Variants in RBFOX1 observed in about 807,000 individuals in gnomAD.
RBFOX1 encodes RNA binding protein fox-1 homolog 1.
A neutral mutation model predicts 57.7 loss-of-function variants in RBFOX1; 8 were observed. That is an observed-to-expected ratio of 0.14 (90% CI 0.08 to 0.25). The LOEUF is 0.25. RBFOX1 is among the 10% of genes least tolerant of loss of function. RBFOX1 has a pLI of 1.00. For missense variants in RBFOX1, 611 were observed against 548.5 expected, an observed-to-expected ratio of 1.11 and a Z score of -1.14; for synonymous variants, 326 against 222.4, an observed-to-expected ratio of 1.47 and a Z score of -4.15.
intron 2 of RBFOX1, among the ~76,000 whole-genome samples, chr16:6,632,230 G>C (rs1017751294): frequency 6.6e-6 from 1 of 151,972 alleles, no homozygotes; most frequent in African/African-American, 2.4e-5. Flanking sequence ...GAACTTTAGA[G>C]TCTGTTTTCC....
chr16:7,143,723 A>G (rs1567436943), intron 4 of RBFOX1, among the ~76,000 whole-genome samples: 1 of 152,086 alleles, frequency 6.6e-6, no homozygotes, highest in Non-Finnish European at 1.5e-5. Context: ...ATTTGATCAT[A>G]CATTCATCCA....
intron 3 of RBFOX1, among the ~76,000 whole-genome samples, chr16:5,624,814 C>G (rs925912293): frequency 1.3e-5 from 2 of 152,228 alleles, no homozygotes; most frequent in African/African-American, 2.4e-5. Flanking sequence ...CATCACAGAG[C>G]TCTTATGGCA....
At chr16:7,089,705 C>T (rs920068150) in intron 4 of RBFOX1, among the ~76,000 whole-genome samples, 19 of 152,232 alleles carry the variant, frequency 1.2e-4, no homozygotes, top group East Asian at 3.9e-4. Context: ...CTTCCACATC[C>T]GAAAAACTTG....
chr16:6,486,743 A>T (rs906928867), intron 2 of RBFOX1, among the ~76,000 whole-genome samples: 1 of 151,628 alleles, frequency 6.6e-6, no homozygotes, highest in Admixed American at 6.6e-5. Flanking sequence ...CTTTGTTTGC[A>T]TTTATGGGTA....
intron 2 of RBFOX1, chr16:6,483,547 A>C: frequency 6.5e-7 from 1 of 1,535,378 alleles, no homozygotes; most frequent in Non-Finnish European, 8.7e-7. Flanking sequence ...CCCTTCAGGT[A>C]CGGCGAGCGA....
intron 3 of RBFOX1, among the ~76,000 whole-genome samples, chr16:7,010,083 T>A (rs999908075): frequency 6.6e-6 from 1 of 152,192 alleles, no homozygotes; most frequent in Non-Finnish European, 1.5e-5. Flanking sequence ...TTTAGTTAAC[T>A]TCTATAACGG....
intron 3 of RBFOX1, among the ~76,000 whole-genome samples, chr16:6,829,804 G>T (rs1052337509): frequency 2.6e-5 from 4 of 152,164 alleles, no homozygotes; most frequent in Non-Finnish European, 5.9e-5. Context: ...ATTTCGCCAC[G>T]TTGGCCAGGC....
At chr16:6,437,150 A>T (rs2094258296) in intron 2 of RBFOX1, among the ~76,000 whole-genome samples, 1 of 152,184 alleles carries the variant, frequency 6.6e-6, no homozygotes, top group Admixed American at 6.5e-5. Flanking sequence ...TTAGGAGAAG[A>T]AGATCTATCA....
chr16:5,250,436 C>T (rs1458254050), intron 1 of RBFOX1, among the ~76,000 whole-genome samples: 1 of 152,148 alleles, frequency 6.6e-6, no homozygotes, highest in Non-Finnish European at 1.5e-5. Flanking sequence ...CCCTCACCCC[C>T]GACAGGCCCT....
At chr16:6,502,907 C>A (rs545348712) in intron 2 of RBFOX1, among the ~76,000 whole-genome samples, 1 of 151,948 alleles carries the variant, frequency 6.6e-6, no homozygotes, top group Non-Finnish European at 1.5e-5. Context: ...ACTTGTAAAC[C>A]GTCATATTAT....
intron 1 of RBFOX1, among the ~76,000 whole-genome samples, chr16:6,076,548 G>C (rs2095904369): frequency 6.6e-6 from 1 of 152,026 alleles, no homozygotes; most frequent in South Asian, 2.1e-4. Flanking sequence ...GCTCACTGCA[G>C]CCTCGATCTC....
chr16:7,692,613 G>C (rs112267463), intron 14 of RBFOX1, among the ~76,000 whole-genome samples: 5,529 of 152,224 alleles, frequency 0.036, 127 homozygotes, highest in Non-Finnish European at 0.055. Context: ...ATTTGTAGAC[G>C]AATTAGTACC....
chr16:6,078,432 C>T (rs1332164943), intron 1 of RBFOX1, among the ~76,000 whole-genome samples: 1 of 151,872 alleles, frequency 6.6e-6, no homozygotes, highest in Non-Finnish European at 1.5e-5. Context: ...AGCTCATCAG[C>T]TGTCATTAGT....
At chr16:6,944,267 C>T (rs1428829704) in intron 3 of RBFOX1, among the ~76,000 whole-genome samples, 4 of 151,666 alleles carry the variant, frequency 2.6e-5, no homozygotes, top group Admixed American at 6.6e-5. Context: ...TGGTGGTGGG[C>T]GCCTGTAATC....
Position 5,424,934 on chromosome 16 carries a change from T to C in RBFOX1, c.220-42282T>C, listed in dbSNP as rs1311035711. Among the ~76,000 whole-genome samples, 125 of 110,116 alleles carry C rather than the reference T, an allele frequency of 1.1e-3. 2 individuals are homozygous for C. In the East Asian group the frequency reaches 0.016, roughly 15 times the overall value. The allele number at this position is 110,116 out of a possible 152,430, so 72.2% of individuals were successfully genotyped here. A position where few individuals can be genotyped will look rare whatever the true frequency, so the allele number is the denominator to read the frequency against. On this transcript the variant is annotated intron_variant, in intron 1 of 2. Coordinates refer to the RBFOX1 transcript ENST00000585867. ...TTCTTTCTTTCTTTCTTTCTTTCTTTCTCTCTCTTCTTTCTTCCTTTGTTT... is the reference window on the plus strand; with the variant it reads ...TTCTTTCTTTCTTTCTTTCTTTCTTCCTCTCTCTTCTTTCTTCCTTTGTTT...
At chr16:5,474,155 A>G (rs536647652) in intron 2 of RBFOX1, among the ~76,000 whole-genome samples, 2 of 152,304 alleles carry the variant, frequency 1.3e-5, no homozygotes, top group East Asian at 3.9e-4. Context: ...GCATTACTCC[A>G]TCTTGGATTA....
intron 3 of RBFOX1, among the ~76,000 whole-genome samples, chr16:6,927,945 C>CT (rs1227062220): frequency 6.6e-6 from 1 of 152,142 alleles, no homozygotes; most frequent in Non-Finnish European, 1.5e-5. Context: ...TGGTCATAAT[C>CT]TTGAAGGTAG....
intron 2 of RBFOX1, among the ~76,000 whole-genome samples, chr16:6,452,345 T>C (rs2094650396): frequency 1.3e-5 from 2 of 151,770 alleles, no homozygotes; most frequent in Non-Finnish European, 2.9e-5. Context: ...CATGGCTCCA[T>C]CCATGGCTCC....
At chr16:6,309,691 C>T (rs1030953500) in intron 1 of RBFOX1, among the ~76,000 whole-genome samples, 1 of 151,984 alleles carries the variant, frequency 6.6e-6, no homozygotes. Context: ...GTTAGTCTCT[C>T]GGAGGTCCCT....
Sources: allele counts gnomAD v4.1 joint callset (sites outside exome capture counted in the v4.1 genomes callset), GRCh38; gene constraint gnomAD v4.1.1; transcripts MANE v1.5; gene names NCBI Gene and HGNC (gene_info 2026-07-23, HGNC 2026-07-21).